The following SENP7 variants were observed in gnomAD, a reference collection of about 807,000 sequenced individuals.
SENP7 encodes SUMO specific peptidase 7, also known as sentrin-specific protease 7.
Under a neutral mutation model 141.2 loss-of-function variants are expected in SENP7, and 64 were observed. That is an observed-to-expected ratio of 0.45 (90% CI 0.37 to 0.56). SENP7 has a LOEUF of 0.56. Among genes scored for constraint, SENP7 ranks in the 20% least tolerant of loss-of-function variants. The probability of loss-of-function intolerance (pLI) is 0.00; values close to 1 mark genes in which losing one functional copy is unlikely to be tolerated. For synonymous variants in SENP7, 382 were observed against 426.4 expected (o/e 0.90, Z 1.28); for missense variants, 1,025 against 1,212.2 (o/e 0.85, Z 2.29).
chr3:101,487,047 CT>C (rs1173802815), intron 3 of SENP7, among the ~76,000 whole-genome samples: 1 of 152,120 alleles, frequency 6.6e-6, no homozygotes, highest in East Asian at 1.9e-4. Context: ...TGGTAAAAGG[CT>C]TTGTCCAACA....
At chr3:101,371,582 T>C (rs1354887406) in intron 7 of SENP7, among the ~76,000 whole-genome samples, 2 of 152,210 alleles carry the variant, frequency 1.3e-5, no homozygotes, top group African/African-American at 2.4e-5. Flanking sequence ...AATTTGCTAA[T>C]AGTGGCTTGT....
intron 1 of SENP7, among the ~76,000 whole-genome samples, chr3:101,507,590 T>C (rs947717467): frequency 6.6e-6 from 1 of 152,192 alleles, no homozygotes; most frequent in Non-Finnish European, 1.5e-5. Flanking sequence ...TTAGATATAT[T>C]ACTTTGTTAA....
In SENP7 at chr3:101,399,075, A is replaced by ACACTG. The variant is rs1353939810; in HGVS notation, c.483-25_483-21dup. 6 of 1,563,072 alleles carry ACACTG rather than the reference A, an allele frequency of 3.8e-6. No homozygotes were observed. The highest frequency in any genetic ancestry group is 1.2e-5 in the South Asian group (1 of 86,282). The stretch of plus-strand genomic sequence containing the variant: ...GGTATCCTGTCACATAGAATAACAA[A>ACACTG]CACTGTACTGTACTGAAGTTTTCAG... On this transcript the variant is annotated intron_variant, in intron 5 of 23. Coordinates refer to ENST00000394095, the MANE Select transcript of SENP7 (RefSeq NM_020654.5).
intron 4 of SENP7, among the ~76,000 whole-genome samples, chr3:101,423,967 C>T (rs546057923): frequency 1.3e-5 from 2 of 152,262 alleles, no homozygotes; most frequent in Admixed American, 1.3e-4. Context: ...AGGTTTGGTG[C>T]GGGAGAGTCT....
At chr3:101,439,261 G>GAGA in intron 4 of SENP7, among the ~76,000 whole-genome samples, 1 of 105,204 alleles carries the variant, frequency 9.5e-6, no homozygotes, top group East Asian at 2.9e-4. Flanking sequence ...CTGCCCGGCC[G>GAGA]CCCCGTCTGA....
At chr3:101,444,019 T>C (rs1353816982) in intron 4 of SENP7, among the ~76,000 whole-genome samples, 3 of 146,530 alleles carry the variant, frequency 2.0e-5, no homozygotes, top group Non-Finnish European at 4.5e-5. Flanking sequence ...ATCCAGAATC[T>C]ACAATGAACT....
chr3:101,352,694 A>G (rs565509929), intron 11 of SENP7, among the ~76,000 whole-genome samples: 1 of 152,094 alleles, frequency 6.6e-6, no homozygotes, highest in South Asian at 2.1e-4. Context: ...TTGTTGTTCA[A>G]TACATTTTGT....
Position 101,425,419 on chromosome 3 carries a change from A to T in SENP7, c.285-7629T>A, listed in dbSNP as rs11914343. On this transcript the variant is annotated intron_variant, in intron 4 of 23. Transcript: ENST00000394095. ...GGGAGCTGAGCACTGGTACCCTAAA[A>T]TCTTCCAGAAACAAAGCCAGTTGGC... Among the ~76,000 whole-genome samples the T allele has an allele frequency of 7.4e-3, 1,133 of 152,286 alleles. 8 individuals are homozygous for T. The highest frequency in any genetic ancestry group is 0.01 in the Non-Finnish European group (697 of 68,016).
At chr3:101,401,403 C>A (rs1160110851) in intron 5 of SENP7, among the ~76,000 whole-genome samples, 1 of 151,950 alleles carries the variant, frequency 6.6e-6, no homozygotes, top group Non-Finnish European at 1.5e-5. Context: ...GTGGCAGGCA[C>A]CTGCAATCCC....
At chr3:101,367,672 T>G (rs1435449731) in intron 8 of SENP7, among the ~76,000 whole-genome samples, 158 bp downstream of exon 8, 4 of 152,186 alleles carry the variant, frequency 2.6e-5, no homozygotes, top group African/African-American at 9.6e-5. Flanking sequence ...AAGTTACATT[T>G]AGAATTGTTT....
chr3:101,367,030 G>A (rs1005114984), intron 8 of SENP7, among the ~76,000 whole-genome samples: 2 of 151,864 alleles, frequency 1.3e-5, no homozygotes, highest in Non-Finnish European at 2.9e-5. Context: ...TTTGTCAGAC[G>A]GTCTCCCATG....
chr3:101,471,068 C>T (rs1440805152), intron 3 of SENP7, among the ~76,000 whole-genome samples: 1 of 152,142 alleles, frequency 6.6e-6, no homozygotes, highest in Non-Finnish European at 1.5e-5. Context: ...TGAAAATGGC[C>T]ATACTGCTCA....
intron 4 of SENP7, among the ~76,000 whole-genome samples, chr3:101,456,607 T>A (rs1407908305): frequency 6.6e-6 from 1 of 152,128 alleles, no homozygotes; most frequent in East Asian, 1.9e-4. Context: ...GCTAGGCTGA[T>A]AATTTAGCAG....
chr3:101,361,991 A>C, intron 10 of SENP7, 130 bp from the exon 11 acceptor site: 2 of 987,496 alleles, frequency 2.0e-6, no homozygotes, highest in South Asian at 4.8e-5. Context: ...TACTGTTCTT[A>C]CTGTGAAGAA....
At chr3:101,479,889 C>A (rs2064380237) in intron 3 of SENP7, among the ~76,000 whole-genome samples, 1 of 12,754 alleles carries the variant, frequency 7.8e-5, no homozygotes, top group African/African-American at 3.2e-4. Context: ...CTTACAACAG[C>A]TACAAAAAAA....
chr3:101,501,818 A>G (rs2065393560), intron 1 of SENP7, among the ~76,000 whole-genome samples: 1 of 152,232 alleles, frequency 6.6e-6, no homozygotes, highest in South Asian at 2.1e-4. Context: ...TTTTACTAAA[A>G]AAATAAATGG....
rs531865592 is a variant in SENP7, at chr3:101,374,211, A to G, written c.678-2085T>C. ...TGAAACCATTCAATAGGGAAGGGAC[A>G]GTCTTTTCAATAAAGGGTGCTGTGA... On this transcript the variant is annotated intron_variant, in intron 6 of 23. Coordinates refer to ENST00000394095, the MANE Select transcript of SENP7 (RefSeq NM_020654.5). Among the ~76,000 whole-genome samples the G allele has an allele frequency of 2.0e-5, 3 of 152,336 alleles. No homozygotes were observed. The South Asian group carries it at 6.2e-4, about 32-fold the overall frequency.
intron 1 of SENP7, among the ~76,000 whole-genome samples, chr3:101,512,090 C>G (rs12630796): frequency 0.53 from 81,200 of 152,112 alleles, 22,025 homozygotes; most frequent in Admixed American, 0.62. Context: ...AAGGTGTTGG[C>G]ATTACAGGCG....
intron 11 of SENP7, chr3:101,358,003 G>T: frequency 1.6e-6 from 1 of 624,144 alleles, no homozygotes; most frequent in South Asian, 1.7e-5. Context: ...TTATTGGAGA[G>T]AAACCATACA....
Sources: gnomAD v4.1 joint callset for allele counts (sites outside exome capture counted in the v4.1 genomes callset) on GRCh38, gnomAD v4.1.1 for gene constraint, MANE v1.5 for transcripts, NCBI Gene and HGNC (gene_info 2026-07-23, HGNC 2026-07-21) for gene names.